SMARCA4: variants seen among roughly 807,000 people sequenced by gnomAD.
SMARCA4 encodes SWI/SNF related BAF chromatin remodeling complex subunit ATPase 4, also known as SWI/SNF-related matrix-associated actin-dependent regulator of chromatin subfamily A member 4.
Under a neutral mutation model 193.9 loss-of-function variants are expected in SMARCA4, and 31 were observed. The observed-to-expected ratio is 0.16, with a 90% confidence interval of 0.12 to 0.22. The LOEUF is 0.22. SMARCA4 is among the 10% of genes least tolerant of loss of function. The probability of loss-of-function intolerance (pLI) is 1.00; values close to 1 mark genes in which losing one functional copy is unlikely to be tolerated. For synonymous variants in SMARCA4, 942 were observed against 933.1 expected, an observed-to-expected ratio of 1.01 and a Z score of -0.17; for missense variants, 1,148 against 2,296.0, an observed-to-expected ratio of 0.50 and a Z score of 10.22.
chr19:11,028,411 G>A (rs1470401588), intron 24 of SMARCA4, among the ~76,000 whole-genome samples: 2 of 152,188 alleles, frequency 1.3e-5, no homozygotes, highest in Non-Finnish European at 2.9e-5. Flanking sequence ...CTTTCCACCT[G>A]CTCAGTGTCC....
At position 11,061,331 on chromosome 19, in the gene SMARCA4, G is replaced by A. The variant is rs578125425; in HGVS notation, c.4912-453G>A. Among the ~76,000 whole-genome samples the A allele has an allele frequency of 1.3e-3, 192 of 150,878 alleles. 8 individuals are homozygous for A. In the South Asian group the frequency reaches 0.038, roughly 30 times the overall value. ...GCCAAGGGCCAGGCAGGTGACATGG[G>A]ACAGAGCAGGGAAGGCACGTGGAGC... On this transcript the variant is annotated intron_variant, in intron 34 of 34. Transcript: ENST00000344626.
Position 11,034,166 on chromosome 19 carries a change from T to C in SMARCA4, c.3917T>C (p.Ile1306Thr). 1 of 1,613,842 alleles carries C rather than the reference T, an allele frequency of 6.2e-7. No homozygotes were observed. The highest frequency in any genetic ancestry group is 8.5e-7 in the Non-Finnish European group (1 of 1,179,986). Residue 1306 changes from isoleucine to threonine, a missense_variant, in exon 28 of 35, where the codon ATC becomes ACC. Transcript: ENST00000344626. This position sits in a 1 kb window ranked among gnomAD's most constrained non-coding sequence, Gnocchi z 7.0. Reference sequence around the variant, plus strand: ...GACGACGAGACCGTCAACCAGATGATCGCCCGGCACGAGGAGGAGTTTGAT... The same window carrying C: ...GACGACGAGACCGTCAACCAGATGACCGCCCGGCACGAGGAGGAGTTTGAT... ...VPDDETVNQM[I>T]ARHEEEFDLF...
At chr19:10,961,568 G>C (rs558883544) in intron 1 of SMARCA4, 2 of 152,328 alleles carry the variant, frequency 1.3e-5, no homozygotes, top group South Asian at 4.1e-4. Flanking sequence ...GCGTGGTAAC[G>C]GGTCCGACCC....
intron 16 of SMARCA4, among the ~76,000 whole-genome samples, chr19:11,014,817 A>T (rs1396439169): frequency 1.3e-5 from 2 of 150,938 alleles, no homozygotes; most frequent in Middle Eastern, 3.2e-3. Flanking sequence ...ATTTATTTTT[A>T]TTTTTTTTTA....
chr19:11,029,227 C>T (rs1207800065), intron 24 of SMARCA4, among the ~76,000 whole-genome samples: 1 of 152,242 alleles, frequency 6.6e-6, no homozygotes, highest in Non-Finnish European at 1.5e-5. Context: ...ACGGTCTCTC[C>T]AGCGGCTTCT....
intron 20 of SMARCA4, 128 bp from the exon 21 acceptor site, chr19:11,024,203 C>T (rs2090082873): frequency 1.4e-6 from 1 of 726,724 alleles, no homozygotes; most frequent in Non-Finnish European, 2.5e-6. Context: ...GGTCTCCTCA[C>T]CCACACCCCA....
chr19:10,970,982 T>G (rs2145515555), intron 1 of SMARCA4, among the ~76,000 whole-genome samples: 1 of 152,280 alleles, frequency 6.6e-6, no homozygotes, highest in South Asian at 2.1e-4. Flanking sequence ...GTGGATCACC[T>G]GAGGTCGGGA....
chr19:10,985,564 C>T lies in SMARCA4; in HGVS notation c.355+159C>T. ...CAGAGAGCTGTCTGGCATGGCGTGG[C>T]TGGTGCTCTGTTCTGGCCACCTCGT... On this transcript the variant is annotated intron_variant, in intron 3 of 34. Transcript: ENST00000344626. This position sits in a 1 kb window ranked among gnomAD's most constrained non-coding sequence, Gnocchi z 4.5. The T allele has an allele frequency of 2.6e-6, 1 of 380,534 alleles. No homozygotes were observed. Among genetic ancestry groups the T allele is most frequent in the Non-Finnish European group, 3.6e-6 (1 of 276,992 alleles). 23.6% of individuals were successfully genotyped at this position (380,534 alleles called of 1,614,324 possible). A position where few individuals can be genotyped will look rare whatever the true frequency, so the allele number is the denominator to read the frequency against.
chr19:11,035,218 C>A, intron 29 of SMARCA4, 86 bp downstream of exon 29: 2 of 1,307,252 alleles, frequency 1.5e-6, no homozygotes, highest in South Asian at 1.3e-5. Context: ...AGGACTCAGG[C>A]CTGGGTCCAA....
chr19:11,060,789 C>G (rs1360960330), intron 34 of SMARCA4, among the ~76,000 whole-genome samples: 2 of 152,214 alleles, frequency 1.3e-5, no homozygotes, highest in Admixed American at 1.3e-4. Flanking sequence ...GGGCTGCCCC[C>G]ACCGAAGGGC....
chr19:10,992,196 C>G (rs1203612148), intron 8 of SMARCA4, among the ~76,000 whole-genome samples: 1 of 151,286 alleles, frequency 6.6e-6, no homozygotes, highest in Non-Finnish European at 1.5e-5. Flanking sequence ...ACTGCAACCT[C>G]CATCTCCTGG....
chr19:11,035,103 G>T lies in SMARCA4; in HGVS notation c.4141G>T (p.Asp1381Tyr). Residue 1381 changes from aspartate to tyrosine, a missense_variant, in exon 29 of 35, where the codon GAC becomes TAC. Physicochemically the swap from Asp to Tyr is radical, Grantham distance 160. This residue lies in a region of SMARCA4 where 84 missense variants were observed against 202.2 expected (regional missense o/e 0.42). Transcript: ENST00000344626. ...SRHRKEVDYSDSLTEKQWLKA... is the reference protein window; with the variant it reads ...SRHRKEVDYSYSLTEKQWLKA... ...CCACCGCAAGGAGGTGGACTACAGC[G>T]ACTCACTGACGGAGAAGCAGTGGCT... 1.2e-6 allele frequency: 2 copies of T among 1,612,916 alleles called. No individual in the cohort carries two copies. The highest frequency in any genetic ancestry group is 2.2e-5 in the South Asian group (2 of 91,012).
chr19:11,061,204 AATATATATATATAT>A lies in SMARCA4; in HGVS notation c.4912-555_4912-542del, dbSNP rs55894159. The stretch of plus-strand genomic sequence containing the variant: ...CCCTGTCTTTAAAAAAAAAAAAAAA[AATATATATATATAT>A]ATATATATATATATATATATATATG... On this transcript the variant is annotated intron_variant, in intron 34 of 34. Coordinates refer to ENST00000344626, the MANE Select transcript of SMARCA4 (RefSeq NM_003072.5). Among the ~76,000 whole-genome samples, 20 of 45,222 alleles carry A rather than the reference AATATATATATATAT, an allele frequency of 4.4e-4. 2 individuals are homozygous for A. Among genetic ancestry groups the A allele is most frequent in the East Asian group, 4.4e-3 (7 of 1,608 alleles). 29.7% of individuals were successfully genotyped at this position (45,222 alleles called of 152,430 possible). A position where few individuals can be genotyped will look rare whatever the true frequency, so the allele number is the denominator to read the frequency against.
intron 15 of SMARCA4, chr19:11,011,589 C>T (rs370419200): frequency 6.6e-6 from 1 of 152,228 alleles, no homozygotes; most frequent in African/African-American, 2.4e-5. Flanking sequence ...GCTGCACATG[C>T]ACCTATAGTC....
At chr19:11,037,023 C>T (rs1328119192) in intron 29 of SMARCA4, among the ~76,000 whole-genome samples, 1 of 152,224 alleles carries the variant, frequency 6.6e-6, no homozygotes, top group Non-Finnish European at 1.5e-5. Flanking sequence ...TTCGGTTTTT[C>T]TGTCCATTCT....
At chr19:11,039,428 C>T (rs768368715) in intron 29 of SMARCA4, 4 of 1,424,996 alleles carry the variant, frequency 2.8e-6, no homozygotes, top group Admixed American at 1.9e-5. Context: ...CACTGAAACA[C>T]TAAACAGACA....
rs1555795880 is a variant in SMARCA4 at position 11,059,771 on chromosome 19, G to A, written c.4654G>A (p.Val1552Ile). 2 of 1,586,928 alleles carry A rather than the reference G, an allele frequency of 1.3e-6. No individual in the cohort carries two copies. The highest frequency in any genetic ancestry group is 1.7e-6 in the Non-Finnish European group (2 of 1,166,984). ...TGCCCAGATCTATGAAGACTCCATC[G>A]TCTTGCAGTCGGTCTTCACCAGCGT... Reference protein sequence around the residue: ...EGSLIYEDSIVLQSVFTSVRQ... With the variant: ...EGSLIYEDSIILQSVFTSVRQ... The change falls in exon 33 of 35, where the codon GTC (valine) becomes ATC (isoleucine). Residue 1552 changes from valine (V) to isoleucine (I), a missense_variant. Physicochemically the swap from Val to Ile is conservative, Grantham distance 29. Transcript: ENST00000344626.
chr19:11,008,123 C>G (rs1359789394), intron 14 of SMARCA4, 100 bp downstream of exon 14: 6 of 1,234,780 alleles, frequency 4.9e-6, no homozygotes, highest in South Asian at 1.3e-5. Context: ...ACATTCAGCA[C>G]TGTCCAGCCA....
intron 15 of SMARCA4, chr19:11,012,384 A>G (rs774269013): frequency 2.3e-4 from 39 of 167,252 alleles, no homozygotes; most frequent in Admixed American, 3.9e-4. Context: ...AAAAAAATGA[A>G]TTAGAACTTG....
Sources: allele counts gnomAD v4.1 joint callset (sites outside exome capture counted in the v4.1 genomes callset), GRCh38; gene constraint gnomAD v4.1.1; regional missense constraint gnomAD v4.1.1; non-coding constraint Gnocchi (gnomAD v3.1); transcripts MANE v1.5; gene names NCBI Gene and HGNC (gene_info 2026-07-23, HGNC 2026-07-21).